Variants in ADAMTSL1 observed in about 807,000 individuals in gnomAD.
The protein encoded by ADAMTSL1 is ADAMTS-like protein 1.
Under a neutral mutation model 201.8 loss-of-function variants are expected in ADAMTSL1, and 126 were observed. The ratio of observed to expected loss-of-function variants is 0.62; its 90% CI spans 0.54 to 0.72. ADAMTSL1 has a LOEUF of 0.72. Among genes scored for constraint, ADAMTSL1 ranks in the 30% least tolerant of loss-of-function variants. The probability of loss-of-function intolerance (pLI) is 0.00; values close to 1 mark genes in which losing one functional copy is unlikely to be tolerated. For synonymous variants in ADAMTSL1, 1,121 were observed against 903.4 expected (o/e 1.24, Z -4.32); for missense variants, 2,679 against 2,277.8 (o/e 1.18, Z -3.59).
chr9:18,422,912 T>C (rs907430922), intron 2 of ADAMTSL1, among the ~76,000 whole-genome samples: 5 of 152,144 alleles, frequency 3.3e-5, no homozygotes, highest in African/African-American at 1.2e-4. Flanking sequence ...ACATTCTTTC[T>C]CACAGTTGAC....
chr9:18,118,698 G>C (rs1825368631), intron 1 of ADAMTSL1, among the ~76,000 whole-genome samples: 1 of 152,148 alleles, frequency 6.6e-6, no homozygotes, highest in African/African-American at 2.4e-5. Flanking sequence ...TCAGCCCTAG[G>C]ATTAGGTGGG....
intron 2 of ADAMTSL1, among the ~76,000 whole-genome samples, chr9:18,220,677 C>A (rs1015157966): frequency 1.3e-5 from 2 of 152,048 alleles, no homozygotes; most frequent in Non-Finnish European, 2.9e-5. Flanking sequence ...TGCATTTCCT[C>A]CTTTCTCTTC....
intron 20 of ADAMTSL1, among the ~76,000 whole-genome samples, chr9:18,800,204 C>G (rs1303934475): frequency 1.3e-5 from 2 of 151,772 alleles, no homozygotes; most frequent in Non-Finnish European, 2.9e-5. Flanking sequence ...TGGCAAAACC[C>G]CATCTCTACT....
At chr9:18,093,891 G>C (rs927486981) in intron 1 of ADAMTSL1, among the ~76,000 whole-genome samples, 1 of 152,152 alleles carries the variant, frequency 6.6e-6, no homozygotes, top group Non-Finnish European at 1.5e-5. Flanking sequence ...GAGAAATATG[G>C]GAAGGTCATT....
intron 1 of ADAMTSL1, among the ~76,000 whole-genome samples, chr9:17,989,705 C>T (rs1474794270): frequency 6.6e-6 from 1 of 151,860 alleles, no homozygotes; most frequent in Non-Finnish European, 1.5e-5. Flanking sequence ...TTGCCACTTT[C>T]GTAGGCAAAA....
intron 1 of ADAMTSL1, among the ~76,000 whole-genome samples, chr9:18,030,464 A>G (rs939041275): frequency 2.6e-5 from 4 of 152,158 alleles, no homozygotes; most frequent in African/African-American, 9.7e-5. Context: ...TGATGAGTTA[A>G]TGGGTGCAGC....
intron 1 of ADAMTSL1, among the ~76,000 whole-genome samples, chr9:17,975,854 G>A (rs1027927802): frequency 2.0e-5 from 3 of 151,996 alleles, no homozygotes; most frequent in African/African-American, 7.2e-5. Context: ...TATGATTTCA[G>A]TTCTGATATT....
rs534425849 is a variant in ADAMTSL1 at position 18,213,698 on chromosome 9, G to A, written c.207+49717G>A. Among the ~76,000 whole-genome samples the A allele has an allele frequency of 6.6e-5, 10 of 152,256 alleles. No individual in the cohort carries two copies. In the South Asian group the frequency reaches 2.1e-3, roughly 32 times the overall value. The stretch of plus-strand genomic sequence containing the variant: ...ACATACGGAAACCTCAGAGATAGAG[G>A]AAGTTGTACCTGAGAGATCTGAGAC... On this transcript the variant is annotated intron_variant, in intron 2 of 29. Coordinates refer to the ADAMTSL1 transcript ENST00000680146.
intron 20 of ADAMTSL1, among the ~76,000 whole-genome samples, chr9:18,811,794 A>G (rs1174351637): frequency 6.6e-6 from 1 of 152,208 alleles, no homozygotes; most frequent in African/African-American, 2.4e-5. Context: ...AGGCATAGAG[A>G]CTGGAAACAA....
intron 1 of ADAMTSL1, among the ~76,000 whole-genome samples, chr9:18,139,683 A>G (rs1826314464): frequency 6.6e-6 from 1 of 152,210 alleles, no homozygotes; most frequent in Admixed American, 6.5e-5. Context: ...TGTGACTGCT[A>G]TGTAGGTTAT....
intron 19 of ADAMTSL1, among the ~76,000 whole-genome samples, chr9:18,781,803 A>G (rs537625432): frequency 6.6e-6 from 1 of 152,362 alleles, no homozygotes; most frequent in East Asian, 1.9e-4. Flanking sequence ...GTATCCTCCA[A>G]ATAGCATGAG....
Position 18,503,429 on chromosome 9 carries a change from A to G in ADAMTSL1, c.64-1400A>G, listed in dbSNP as rs964144833. On this transcript the variant is annotated intron_variant, in intron 1 of 28. Coordinates refer to ENST00000380548, the MANE Select transcript of ADAMTSL1 (RefSeq NM_001040272.6). ...GAATAGTATTCCATTGTGTATATATATATATATATATACCACATTTTGTTT... is the reference window on the plus strand; with the variant it reads ...GAATAGTATTCCATTGTGTATATATGTATATATATATACCACATTTTGTTT... Among the ~76,000 whole-genome samples, 20 of 147,294 alleles carry G rather than the reference A, an allele frequency of 1.4e-4. 1 individual carries two copies. The South Asian group carries it at 2.7e-3, about 20-fold the overall frequency.
At chr9:18,457,029 A>AT (rs1360454498) in intron 2 of ADAMTSL1, among the ~76,000 whole-genome samples, 1 of 152,142 alleles carries the variant, frequency 6.6e-6, no homozygotes, top group East Asian at 1.9e-4. Flanking sequence ...AAAGTATGCA[A>AT]TTTTTTGTTT....
At chr9:18,048,589 G>C (rs1403848522) in intron 1 of ADAMTSL1, among the ~76,000 whole-genome samples, 1 of 151,890 alleles carries the variant, frequency 6.6e-6, no homozygotes, top group Admixed American at 6.6e-5. Context: ...AGATATATGG[G>C]GATTCTCTGT....
At chr9:17,971,517 A>G (rs1425132137) in intron 1 of ADAMTSL1, among the ~76,000 whole-genome samples, 1 of 151,434 alleles carries the variant, frequency 6.6e-6, no homozygotes, top group Non-Finnish European at 1.5e-5. Context: ...CCTATGGTAT[A>G]AACGTTTCAC....
At chr9:18,771,227 T>A (rs1266538885) in intron 17 of ADAMTSL1, among the ~76,000 whole-genome samples, 1 of 152,208 alleles carries the variant, frequency 6.6e-6, no homozygotes, top group African/African-American at 2.4e-5. Flanking sequence ...AGGACATGAT[T>A]TATTAGGAAA....
intron 20 of ADAMTSL1, among the ~76,000 whole-genome samples, chr9:18,814,712 C>G (rs965328087): frequency 6.6e-6 from 1 of 152,110 alleles, no homozygotes; most frequent in East Asian, 1.9e-4. Context: ...AGGGAAACAA[C>G]AGATGCTAGG....
At chr9:18,451,655 T>A (rs557670803) in intron 2 of ADAMTSL1, among the ~76,000 whole-genome samples, 69 of 152,370 alleles carry the variant, frequency 4.5e-4, no homozygotes, top group African/African-American at 1.5e-3. Flanking sequence ...ATTTACTCTA[T>A]CTGAACTCGT....
intron 13 of ADAMTSL1, among the ~76,000 whole-genome samples, chr9:18,704,057 C>G (rs1319904988): frequency 6.6e-6 from 1 of 152,036 alleles, no homozygotes; most frequent in African/African-American, 2.4e-5. Context: ...ATCTATAGAT[C>G]TCAATGCGTT....
Sources: gnomAD v4.1 joint callset for allele counts (sites outside exome capture counted in the v4.1 genomes callset) on GRCh38, gnomAD v4.1.1 for gene constraint, MANE v1.5 for transcripts, NCBI Gene and HGNC (gene_info 2026-07-23, HGNC 2026-07-21) for gene names.